ING5: variants seen among roughly 807,000 people sequenced by gnomAD.
ING5 encodes the protein inhibitor of growth protein 5.
ING5 carries 17 observed loss-of-function variants against 37.4 expected under a neutral mutation model. That is an observed-to-expected ratio of 0.45 (90% CI 0.31 to 0.68). ING5 has a LOEUF of 0.68. ING5 is among the 30% of genes least tolerant of loss of function. The pLI is 0.05. For missense variants in ING5, 233 were observed against 311.9 expected (o/e 0.75, Z 1.91); for synonymous variants, 123 against 116.6 (o/e 1.06, Z -0.36).
chr2:241,701,515 C>A (rs542652513), upstream of ING5, among the ~76,000 whole-genome samples: 1 of 152,274 alleles, frequency 6.6e-6, no homozygotes, highest in East Asian at 1.9e-4. Context: ...GGGCAGCTCG[C>A]CCGGGCCACG....
chr2:241,715,905 C>T (rs1403789220), intron 5 of ING5, among the ~76,000 whole-genome samples: 2 of 151,846 alleles, frequency 1.3e-5, no homozygotes, highest in Non-Finnish European at 2.9e-5. Context: ...TTTTAGTTGA[C>T]TTCTGTTGTG....
intron 7 of ING5, chr2:241,723,792 T>C (rs755663421): frequency 6.3e-7 from 1 of 1,598,066 alleles, no homozygotes; most frequent in South Asian, 1.1e-5. Flanking sequence ...GTTCCTCAGA[T>C]TTCATTTAAA....
At chr2:241,688,436 T>C (rs1467575484) in intron 1 of ING5, among the ~76,000 whole-genome samples, 2 of 152,222 alleles carry the variant, frequency 1.3e-5, no homozygotes, top group African/African-American at 2.4e-5. Context: ...GCTGAGGTCA[T>C]TGGCAACAAT....
intron 2 of ING5, chr2:241,708,947 T>G: frequency 6.5e-6 from 2 of 306,596 alleles, no homozygotes; most frequent in East Asian, 5.4e-5. Flanking sequence ...TGTTTGAGAG[T>G]CGAAGAAGGC....
intron 5 of ING5, chr2:241,721,986 G>T: frequency 1.0e-6 from 1 of 985,394 alleles, no homozygotes; most frequent in Non-Finnish European, 1.2e-6. Flanking sequence ...AGGATGGTGT[G>T]TGGTCGGAAG....
intron 4 of ING5, 61 bp downstream of exon 4, chr2:241,711,549 T>C: frequency 8.5e-7 from 1 of 1,180,816 alleles, no homozygotes; most frequent in Non-Finnish European, 1.2e-6. Flanking sequence ...TTTGAAGAGT[T>C]TTGTCACGGT....
At chr2:241,709,444 A>C (rs2070035366) in intron 3 of ING5, 62 bp downstream of exon 3, 4 of 1,501,144 alleles carry the variant, frequency 2.7e-6, no homozygotes, top group Non-Finnish European at 3.6e-6. Context: ...CTCATGCAAC[A>C]AAATGTAAAA....
chr2:241,713,748 G>A (rs2070188161), intron 5 of ING5, among the ~76,000 whole-genome samples: 2 of 151,844 alleles, frequency 1.3e-5, no homozygotes, highest in Admixed American at 6.5e-5. Context: ...CAGCACTTTG[G>A]GAGGCCAAGG....
At chr2:241,692,221 A>G (rs978459404) in intron 2 of ING5, among the ~76,000 whole-genome samples, 5 of 152,192 alleles carry the variant, frequency 3.3e-5, no homozygotes, top group Non-Finnish European at 1.5e-5. Context: ...CTCTTGTTAT[A>G]AGATTACAGT....
intron 5 of ING5, chr2:241,722,471 G>C (rs930948383): frequency 1.0e-6 from 1 of 985,350 alleles, no homozygotes; most frequent in African/African-American, 1.7e-5. Context: ...GCCCCTGCCT[G>C]GGCCCGAAGG....
chr2:241,724,134 G>A lies in ING5; in HGVS notation c.681-855G>A, dbSNP rs371461188. On this transcript the variant is annotated intron_variant, in intron 7 of 7. Transcript: ENST00000313552. ...TTCTGTGTGGCACTCAGAGGTCATC[G>A]TGGCAGCGTGTTTGAAACTCCGGCA... The A allele has an allele frequency of 4.9e-5, 54 of 1,099,978 alleles. No individual in the cohort carries two copies. In the African/African-American group the frequency reaches 8.2e-4, roughly 17 times the overall value. 68.1% of individuals were successfully genotyped at this position (1,099,978 alleles called of 1,614,324 possible). A position where few individuals can be genotyped will look rare whatever the true frequency, so the allele number is the denominator to read the frequency against.
intron 2 of ING5, among the ~76,000 whole-genome samples, chr2:241,708,929 A>C (rs879225397): frequency 1.3e-5 from 2 of 152,240 alleles, no homozygotes; most frequent in African/African-American, 4.8e-5. Flanking sequence ...CAAGTTATTC[A>C]TACAGGATGT....
chr2:241,723,081 G>C lies in ING5; in HGVS notation c.618+7G>C, dbSNP rs1365120082. Reference sequence around the variant, plus strand: ...TGGCTGTGACAATCCAGACGTGAGTGTCGCCTGCAGGATTCGCGCCATGGG... The same window carrying C: ...TGGCTGTGACAATCCAGACGTGAGTCTCGCCTGCAGGATTCGCGCCATGGG... On this transcript the variant is annotated splice_region_variant and intron_variant, in intron 6 of 7. Coordinates refer to ENST00000313552, the MANE Select transcript of ING5 (RefSeq NM_032329.6). The C allele has an allele frequency of 1.2e-6, 2 of 1,614,138 alleles. No homozygotes were observed. The highest frequency in any genetic ancestry group is 1.7e-5 in the Admixed American group (1 of 60,012).
At chr2:241,701,988 G>A (rs1056435670), upstream of ING5, 3 of 1,075,006 alleles carry the variant, frequency 2.8e-6, no homozygotes, top group Non-Finnish European at 3.6e-6. Context: ...TGAATAGTGA[G>A]CGCGCTGGCA....
chr2:241,714,103 A>G (rs1335856219), intron 5 of ING5, among the ~76,000 whole-genome samples: 1 of 152,140 alleles, frequency 6.6e-6, no homozygotes, highest in Non-Finnish European at 1.5e-5. Context: ...GATCTTTGTA[A>G]GTAGCACCTA....
chr2:241,717,614 C>T (rs1392113592), intron 5 of ING5, among the ~76,000 whole-genome samples: 4 of 150,992 alleles, frequency 2.6e-5, no homozygotes, highest in Admixed American at 1.3e-4. Flanking sequence ...TTTCTTTTAT[C>T]GCTAAAGATG....
upstream of ING5, among the ~76,000 whole-genome samples, chr2:241,701,184 A>T (rs78586884): frequency 0.13 from 19,154 of 147,808 alleles, 1,489 homozygotes; most frequent in East Asian, 0.4. Context: ...GGCTGGTCTC[A>T]AATTCCTGCC....
At chr2:241,705,394 C>CTCTTT (rs2069874642) in intron 2 of ING5, among the ~76,000 whole-genome samples, 1 of 117,272 alleles carries the variant, frequency 8.5e-6, no homozygotes, top group East Asian at 3.2e-4. Flanking sequence ...CTGTTTTTTT[C>CTCTTT]TTTTTTTTTT....
chr2:241,705,397 T>C (rs1330860937), intron 2 of ING5, among the ~76,000 whole-genome samples: 3 of 136,264 alleles, frequency 2.2e-5, no homozygotes, highest in East Asian at 4.8e-4. Context: ...TTTTTTTCTT[T>C]TTTTTTTTTT....
Sources: gnomAD v4.1 joint callset for allele counts (sites outside exome capture counted in the v4.1 genomes callset) on GRCh38, gnomAD v4.1.1 for gene constraint, MANE v1.5 for transcripts, NCBI Gene and HGNC (gene_info 2026-07-23, HGNC 2026-07-21) for gene names.